NRG3: variants seen among roughly 807,000 people sequenced by gnomAD.
NRG3 encodes neuregulin 3, also known as pro-neuregulin-3, membrane-bound isoform.
Under a neutral mutation model 66.9 loss-of-function variants are expected in NRG3, and 31 were observed. The observed-to-expected ratio is 0.46, with a 90% CI of 0.35 to 0.63. NRG3 has a LOEUF of 0.63. Among genes scored for constraint, NRG3 ranks in the 20% least tolerant of loss-of-function variants. NRG3 has a pLI of 0.00. For missense variants in NRG3, 910 were observed against 878.9 expected, an observed-to-expected ratio of 1.04 and a Z score of -0.45; for synonymous variants, 393 against 359.4, an observed-to-expected ratio of 1.09 and a Z score of -1.06.
At chr10:82,908,521 TCATGTTG>T (rs1281723043) in intron 4 of NRG3, among the ~76,000 whole-genome samples, 21 of 152,316 alleles carry the variant, frequency 1.4e-4, no homozygotes, top group African/African-American at 4.8e-4. Flanking sequence ...CTGCAAATTA[TCATGTTG>T]TTCATTAGTG....
At chr10:82,900,161 C>T (rs1443924665) in intron 4 of NRG3, among the ~76,000 whole-genome samples, 5 of 152,056 alleles carry the variant, frequency 3.3e-5, no homozygotes, top group South Asian at 2.1e-4. Flanking sequence ...CACAGTATAG[C>T]GAGGACATCA....
intron 3 of NRG3, among the ~76,000 whole-genome samples, chr10:82,851,344 T>C (rs342386): frequency 0.34 from 51,769 of 151,912 alleles, 9,155 homozygotes; most frequent in African/African-American, 0.45. Flanking sequence ...TTCTCTGTGG[T>C]ATTGACGATC....
At chr10:82,019,147 G>C (rs1041166848) in intron 1 of NRG3, among the ~76,000 whole-genome samples, 2 of 151,702 alleles carry the variant, frequency 1.3e-5, no homozygotes, top group Non-Finnish European at 2.9e-5. Context: ...TAGCATGAAG[G>C]GCTGTTGAAT....
At chr10:82,115,534 T>G (rs2067654603) in intron 1 of NRG3, among the ~76,000 whole-genome samples, 1 of 152,138 alleles carries the variant, frequency 6.6e-6, no homozygotes, top group Admixed American at 6.6e-5. Context: ...TCATTCCAGC[T>G]CCTGTGACAC....
intron 1 of NRG3, among the ~76,000 whole-genome samples, chr10:81,897,368 C>T (rs1279523609): frequency 6.6e-6 from 1 of 152,108 alleles, no homozygotes; most frequent in East Asian, 1.9e-4. Flanking sequence ...CTCTTGAAAG[C>T]TACACCTGGA....
intron 4 of NRG3, among the ~76,000 whole-genome samples, chr10:82,930,108 C>T (rs1170467970): frequency 1.3e-5 from 2 of 151,994 alleles, no homozygotes; most frequent in Non-Finnish European, 2.9e-5. Flanking sequence ...ACTTTGTGAA[C>T]TTTTTCTCAA....
chr10:82,626,365 A>G (rs764554759), intron 2 of NRG3, among the ~76,000 whole-genome samples: 61 of 152,132 alleles, frequency 4.0e-4, no homozygotes, highest in African/African-American at 6.8e-4. Flanking sequence ...CTTAATGGAG[A>G]TCTCAGTACA....
At chr10:82,283,010 G>T (rs555819983) in intron 1 of NRG3, among the ~76,000 whole-genome samples, 5 of 151,952 alleles carry the variant, frequency 3.3e-5, no homozygotes, top group Non-Finnish European at 5.9e-5. Context: ...GTTCACTAAT[G>T]CGATCTGCTC....
intron 2 of NRG3, among the ~76,000 whole-genome samples, chr10:82,648,989 T>A (rs1470390128): frequency 3.3e-5 from 5 of 152,108 alleles, no homozygotes; most frequent in Non-Finnish European, 7.4e-5. Flanking sequence ...TAATAAGAGC[T>A]ATCTATGACA....
At chr10:82,327,317 C>T (rs1385662350) in intron 1 of NRG3, among the ~76,000 whole-genome samples, 2 of 152,138 alleles carry the variant, frequency 1.3e-5, no homozygotes, top group African/African-American at 4.8e-5. Context: ...TACTACTGGA[C>T]ATGGTACCAG....
At chr10:82,851,977 A>G (rs1406566342) in intron 3 of NRG3, among the ~76,000 whole-genome samples, 3 of 152,134 alleles carry the variant, frequency 2.0e-5, no homozygotes, top group Non-Finnish European at 4.4e-5. Context: ...GTAGGGAAAG[A>G]TATGCATTCC....
chr10:81,926,931 G>T (rs909749703), intron 1 of NRG3, among the ~76,000 whole-genome samples: 1 of 152,160 alleles, frequency 6.6e-6, no homozygotes, highest in Non-Finnish European at 1.5e-5. Context: ...TGACAACTCA[G>T]TAAGATAAAG....
intron 4 of NRG3, among the ~76,000 whole-genome samples, chr10:82,902,527 A>G (rs1486392373): frequency 2.0e-5 from 3 of 152,080 alleles, no homozygotes; most frequent in Non-Finnish European, 2.9e-5. Flanking sequence ...AAGTTAATCT[A>G]TTTTTGAAAG....
At chr10:81,998,632 C>CA (rs2061039734) in intron 1 of NRG3, among the ~76,000 whole-genome samples, 1 of 152,146 alleles carries the variant, frequency 6.6e-6, no homozygotes, top group African/African-American at 2.4e-5. Context: ...ATAAATGATG[C>CA]ACAAGTGTTA....
rs1433971305 is a variant in NRG3, at chr10:81,875,335, C to G, written c.-6C>G. 4 of 987,098 alleles carry G rather than the reference C, an allele frequency of 4.1e-6. No homozygotes were observed. Among genetic ancestry groups the G allele is most frequent in the South Asian group, 4.5e-5 (1 of 22,126 alleles). 61.1% of individuals were successfully genotyped at this position (987,098 alleles called of 1,614,324 possible). A position where few individuals can be genotyped will look rare whatever the true frequency, so the allele number is the denominator to read the frequency against. ...GGGGGGGCGAAGGTGAAGACCGGCT[C>G]CTAGGATGAGTGAAGGGGCGGCCGC... is the stretch of plus-strand genomic sequence containing the variant. On this transcript the variant is annotated 5_prime_UTR_variant, in exon 1 of 9. Coordinates refer to ENST00000372141, the MANE Select transcript of NRG3 (RefSeq NM_001010848.4). The surrounding 1 kb of genome is among the most constrained non-coding windows in gnomAD (Gnocchi z 5.3).
At chr10:82,359,660 T>A (rs1054605751) in intron 2 of NRG3, among the ~76,000 whole-genome samples, 9 of 152,182 alleles carry the variant, frequency 5.9e-5, no homozygotes, top group East Asian at 5.8e-4. Context: ...ATTACCCTGG[T>A]AATTTGTTTT....
chr10:82,302,647 G>T (rs897544477), intron 1 of NRG3, among the ~76,000 whole-genome samples: 4 of 152,166 alleles, frequency 2.6e-5, no homozygotes, highest in East Asian at 1.9e-4. Context: ...TTTAAGTGAG[G>T]ATTATTTAAC....
chr10:81,885,913 CT>C (rs1209234143), intron 1 of NRG3, among the ~76,000 whole-genome samples: 1 of 152,050 alleles, frequency 6.6e-6, no homozygotes, highest in Non-Finnish European at 1.5e-5. Flanking sequence ...AAAAAATGGG[CT>C]GTAGAAATGT....
intron 5 of NRG3, among the ~76,000 whole-genome samples, chr10:82,954,257 T>G (rs1190232379): frequency 1.3e-5 from 2 of 151,982 alleles, no homozygotes; most frequent in African/African-American, 2.4e-5. Context: ...CAGTATAATG[T>G]GTAGTTGTAC....
Sources: allele counts gnomAD v4.1 joint callset (sites outside exome capture counted in the v4.1 genomes callset), GRCh38; gene constraint gnomAD v4.1.1; non-coding constraint Gnocchi (gnomAD v3.1); transcripts MANE v1.5; gene names NCBI Gene and HGNC (gene_info 2026-07-23, HGNC 2026-07-21).